TPST2: variants seen among roughly 807,000 people sequenced by gnomAD.
TPST2 encodes the protein tyrosylprotein sulfotransferase 2.
Under a neutral mutation model 27.8 loss-of-function variants are expected in TPST2, and 16 were observed. That is an observed-to-expected ratio of 0.58 (90% CI 0.39 to 0.88). The LOEUF is 0.88. TPST2 is among the 40% of genes least tolerant of loss of function. TPST2 has a pLI of 0.00. For synonymous variants in TPST2, 229 were observed against 231.7 expected (o/e 0.99, Z 0.10); for missense variants, 464 against 543.1 (o/e 0.85, Z 1.45).
chr22:26,536,360 G>A lies in TPST2; in HGVS notation c.969C>T (p.Leu323=), dbSNP rs559480988. 5.8e-5 allele frequency: 93 copies of A among 1,611,058 alleles called. 1 individual carries two copies. In the South Asian group the frequency reaches 7.1e-4, roughly 12 times the overall value. The part of the protein sequence containing the change: ...MAQIAPMLAQ[L]GYDPYANPPN... The stretch of plus-strand genomic sequence containing the variant: ...GGGGGTTTGCATAAGGGTCATAGCC[G>A]AGCTGAGCCAGCATGGGGGCGATCT... Residue 323 remains leucine, a synonymous_variant, in exon 4 of 7, where the codon CTC becomes CTT. Transcript: ENST00000338754.
At chr22:26,563,933 T>C (rs1299602466) in intron 1 of TPST2, among the ~76,000 whole-genome samples, 1 of 152,136 alleles carries the variant, frequency 6.6e-6, no homozygotes, top group Non-Finnish European at 1.5e-5. Flanking sequence ...CAGCTCTAGG[T>C]AGCTACCTGT....
intron 5 of TPST2, among the ~76,000 whole-genome samples, chr22:26,530,709 T>A (rs959149877): frequency 6.6e-6 from 1 of 150,618 alleles, no homozygotes; most frequent in Non-Finnish European, 1.5e-5. Context: ...AGGCTAAAAG[T>A]GTTTTACAAA....
At chr22:26,581,855 G>A (rs1314214553) in intron 1 of TPST2, among the ~76,000 whole-genome samples, 1 of 152,200 alleles carries the variant, frequency 6.6e-6, no homozygotes, top group Admixed American at 6.5e-5. Flanking sequence ...GGCCAGCAAT[G>A]TGGGCTCTCT....
intron 1 of TPST2, chr22:26,561,220 C>T (rs1342085396): frequency 3.4e-5 from 52 of 1,519,328 alleles, no homozygotes; most frequent in Non-Finnish European, 4.3e-5. Context: ...CCCCTGTACA[C>T]AACTCACTCC....
At chr22:26,538,975 C>T (rs1251060066) in intron 3 of TPST2, among the ~76,000 whole-genome samples, 1 of 152,232 alleles carries the variant, frequency 6.6e-6, no homozygotes, top group East Asian at 1.9e-4. Flanking sequence ...CAGTAGGCCA[C>T]ACATCAAGAT....
intron 5 of TPST2, among the ~76,000 whole-genome samples, chr22:26,531,409 T>C (rs1426685684): frequency 7.2e-5 from 11 of 152,028 alleles, no homozygotes; most frequent in East Asian, 1.9e-4. Flanking sequence ...AACATGAAAA[T>C]TGCAATGAAC....
intron 2 of TPST2, 85 bp downstream of exon 2, chr22:26,544,519 A>G: frequency 1.3e-6 from 1 of 761,476 alleles, no homozygotes; most frequent in Non-Finnish European, 1.6e-6. Flanking sequence ...CCAATCATGG[A>G]GGCTGGGGGC....
chr22:26,566,922 G>C (rs960081719), intron 1 of TPST2, among the ~76,000 whole-genome samples: 1 of 152,206 alleles, frequency 6.6e-6, no homozygotes, highest in African/African-American at 2.4e-5. Context: ...ATTCTTTGTG[G>C]TAGTATGGGG....
chr22:26,552,661 A>C (rs556290877), intron 1 of TPST2, among the ~76,000 whole-genome samples: 1 of 152,316 alleles, frequency 6.6e-6, no homozygotes, highest in South Asian at 2.1e-4. Flanking sequence ...TGACACATAC[A>C]TGAAGGCAAG....
chr22:26,539,926 T>C (rs1234974758), intron 3 of TPST2, among the ~76,000 whole-genome samples: 1 of 152,202 alleles, frequency 6.6e-6, no homozygotes, highest in Non-Finnish European at 1.5e-5. Flanking sequence ...GGTGTTCCTA[T>C]GTCCTCAGGT....
intron 1 of TPST2, chr22:26,561,088 A>T (rs574201176): frequency 5.5e-5 from 89 of 1,606,368 alleles, no homozygotes; most frequent in Non-Finnish European, 7.5e-5. Context: ...AAGGAAGAGG[A>T]GGAAGATGAG....
At chr22:26,589,173 C>T (rs1569200593) in intron 1 of TPST2, among the ~76,000 whole-genome samples, 1 of 152,124 alleles carries the variant, frequency 6.6e-6, no homozygotes, top group African/African-American at 2.4e-5. Context: ...CAGGTGACCT[C>T]TCCAAGCCTC....
At chr22:26,530,820 G>A (rs1925116794) in intron 5 of TPST2, among the ~76,000 whole-genome samples, 1 of 152,066 alleles carries the variant, frequency 6.6e-6, no homozygotes, top group Non-Finnish European at 1.5e-5. Context: ...GACCAGCCTG[G>A]CCAACATGGC....
intron 1 of TPST2, among the ~76,000 whole-genome samples, chr22:26,576,553 A>T (rs1927842434): frequency 6.6e-6 from 1 of 152,128 alleles, no homozygotes; most frequent in Non-Finnish European, 1.5e-5. Context: ...CAGCTCGAGC[A>T]GCGGGTAGAA....
chr22:26,582,814 C>T (rs183839473), intron 1 of TPST2, among the ~76,000 whole-genome samples: 274 of 152,222 alleles, frequency 1.8e-3, no homozygotes, highest in Middle Eastern at 3.4e-3. Flanking sequence ...TGTGTGACCT[C>T]GGGAAAGTGA....
intron 1 of TPST2, among the ~76,000 whole-genome samples, chr22:26,562,628 T>C (rs1927168244): frequency 7.8e-6 from 1 of 127,508 alleles, no homozygotes; most frequent in Non-Finnish European, 1.7e-5. Flanking sequence ...TCTTTTCTTT[T>C]CTTTTTTTTT....
intron 1 of TPST2, among the ~76,000 whole-genome samples, chr22:26,576,871 T>C (rs955975039): frequency 3.3e-5 from 5 of 150,218 alleles, no homozygotes; most frequent in Admixed American, 2.0e-4. Flanking sequence ...CCGAGGCGGG[T>C]GGATCACAAG....
intron 1 of TPST2, among the ~76,000 whole-genome samples, chr22:26,563,042 C>G (rs1602289029): frequency 6.6e-6 from 1 of 152,188 alleles, no homozygotes; most frequent in Non-Finnish European, 1.5e-5. Flanking sequence ...AAAGAATCAT[C>G]CAGTCCCAAA....
chr22:26,571,942 T>C (rs1453332306), intron 1 of TPST2, among the ~76,000 whole-genome samples: 1 of 152,164 alleles, frequency 6.6e-6, no homozygotes, highest in Non-Finnish European at 1.5e-5. Flanking sequence ...CTTCCACCCC[T>C]GCCTGTCCCC....
Sources: gnomAD v4.1 joint callset for allele counts (sites outside exome capture counted in the v4.1 genomes callset) on GRCh38, gnomAD v4.1.1 for gene constraint, MANE v1.5 for transcripts, NCBI Gene and HGNC (gene_info 2026-07-23, HGNC 2026-07-21) for gene names.